NKAIN3: variants seen among roughly 807,000 people sequenced by gnomAD.
NKAIN3 encodes sodium/potassium transporting ATPase interacting 3, also known as sodium/potassium-transporting ATPase subunit beta-1-interacting protein 3.
NKAIN3 carries 25 observed loss-of-function variants against 30.2 expected under a neutral mutation model. The observed-to-expected ratio is 0.83, with a 90% CI of 0.60 to 1.16. The LOEUF is 1.16. NKAIN3 is among the 50% of genes most tolerant of loss of function. NKAIN3 has a pLI of 0.00. For synonymous variants in NKAIN3, 91 were observed against 89.6 expected (o/e 1.02, Z -0.09); for missense variants, 225 against 254.1 (o/e 0.89, Z 0.78).
At chr8:62,870,257 T>TAGATCTATATATAGATATCTATAG (rs1563603973) in intron 4 of NKAIN3, among the ~76,000 whole-genome samples, 17 of 85,006 alleles carry the variant, frequency 2.0e-4, no homozygotes, top group African/African-American at 6.6e-4. Flanking sequence ...TATCTATATA[T>TAGATCTATATATAGATATCTATAG]ATATCTATAT....
rs771767026 is a variant in NKAIN3 at position 62,579,558 on chromosome 8, A to G, written c.74A>G (p.Gln25Arg). 6.2e-7 allele frequency: 1 copy of G among 1,609,524 alleles called. No homozygotes were observed. Among genetic ancestry groups the G allele is most frequent in the Admixed American group, 1.7e-5 (1 of 59,422 alleles). Residue 25 changes from glutamine to arginine, a missense_variant, in exon 2 of 7, where the codon CAG becomes CGG. Gln to Arg is a conservative substitution (Grantham distance 43). Coordinates refer to ENST00000623646, the MANE Select transcript of NKAIN3 (RefSeq NM_001304533.3). ...ALQLVSALER[Q>R]IFDFLGFQWA... ...TTGTAGGTCTCAGCATTAGAGAGGCAGATCTTTGACTTCCTTGGTTTCCAG... is the reference window on the plus strand; with the variant it reads ...TTGTAGGTCTCAGCATTAGAGAGGCGGATCTTTGACTTCCTTGGTTTCCAG...
At chr8:62,469,976 TG>T (rs1240559475) in intron 1 of NKAIN3, among the ~76,000 whole-genome samples, 2 of 152,328 alleles carry the variant, frequency 1.3e-5, no homozygotes, top group East Asian at 1.9e-4. Flanking sequence ...GCACAGATCC[TG>T]GTATGCTTTG....
At chr8:62,765,511 T>C (rs757195381) in intron 4 of NKAIN3, among the ~76,000 whole-genome samples, 2 of 152,168 alleles carry the variant, frequency 1.3e-5, no homozygotes, top group Admixed American at 6.5e-5. Context: ...GCAGATGTGG[T>C]AAATTCAGTT....
chr8:62,374,844 G>A (rs545624392), intron 1 of NKAIN3, among the ~76,000 whole-genome samples: 7 of 152,214 alleles, frequency 4.6e-5, no homozygotes, highest in Middle Eastern at 3.4e-3. Flanking sequence ...GGAACACAGT[G>A]GATCTTTTGA....
At chr8:62,374,378 C>A in intron 1 of NKAIN3, among the ~76,000 whole-genome samples, 1 of 152,132 alleles carries the variant, frequency 6.6e-6, no homozygotes, top group Non-Finnish European at 1.5e-5. Flanking sequence ...CAGCCTAACT[C>A]TAGTTAGCAT....
chr8:62,581,625 C>A (rs1810293967), intron 2 of NKAIN3, among the ~76,000 whole-genome samples: 2 of 152,156 alleles, frequency 1.3e-5, no homozygotes, highest in African/African-American at 4.8e-5. Context: ...TTAAAACCAC[C>A]ACTGGGTCCT....
intron 1 of NKAIN3, 110 bp from the exon 2 acceptor site, chr8:62,579,429 A>G: frequency 1.3e-6 from 1 of 758,696 alleles, no homozygotes; most frequent in East Asian, 2.7e-5. Flanking sequence ...ACGGTGACAA[A>G]AAGTGTGATT....
chr8:62,623,356 G>A (rs1040396015), intron 3 of NKAIN3, among the ~76,000 whole-genome samples: 1 of 151,966 alleles, frequency 6.6e-6, no homozygotes, highest in African/African-American at 2.4e-5. Context: ...TTCTTCCTAG[G>A]AAAATGTAAA....
At chr8:62,288,540 C>T (rs977453664) in intron 1 of NKAIN3, among the ~76,000 whole-genome samples, 7 of 152,102 alleles carry the variant, frequency 4.6e-5, no homozygotes, top group African/African-American at 1.4e-4. Context: ...TGATTTCCAG[C>T]TTCATCCATG....
At chr8:62,953,678 A>C (rs894938792) in intron 5 of NKAIN3, among the ~76,000 whole-genome samples, 2 of 152,042 alleles carry the variant, frequency 1.3e-5, no homozygotes, top group African/African-American at 2.4e-5. Flanking sequence ...ACCAATAACA[A>C]CTTATTTTTC....
chr8:62,803,038 G>A (rs1424764815), intron 4 of NKAIN3, among the ~76,000 whole-genome samples: 1 of 152,110 alleles, frequency 6.6e-6, no homozygotes, highest in Non-Finnish European at 1.5e-5. Context: ...TAATGGTAAA[G>A]GGATCAATTC....
chr8:62,725,711 G>A (rs1464179621), intron 3 of NKAIN3, among the ~76,000 whole-genome samples: 1 of 151,952 alleles, frequency 6.6e-6, no homozygotes. Flanking sequence ...AGTGGTCCAT[G>A]TGTCTGCCTA....
chr8:62,591,360 T>C (rs1490969776), intron 3 of NKAIN3, among the ~76,000 whole-genome samples: 2 of 151,910 alleles, frequency 1.3e-5, no homozygotes, highest in Non-Finnish European at 2.9e-5. Flanking sequence ...ATGGAGTCTC[T>C]ATGAAAAATA....
At chr8:62,466,150 C>A (rs769955243) in intron 1 of NKAIN3, among the ~76,000 whole-genome samples, 2 of 151,988 alleles carry the variant, frequency 1.3e-5, no homozygotes, top group Non-Finnish European at 2.9e-5. Context: ...GGAAGAGAAC[C>A]TTAACGAAAG....
At chr8:62,964,050 C>T (rs2130907703) in intron 6 of NKAIN3, among the ~76,000 whole-genome samples, 1 of 152,168 alleles carries the variant, frequency 6.6e-6, no homozygotes. Flanking sequence ...TGGAATGATG[C>T]TTATAATTTA....
intron 1 of NKAIN3, among the ~76,000 whole-genome samples, chr8:62,409,138 C>A (rs553507194): frequency 2.0e-5 from 3 of 151,274 alleles, no homozygotes; most frequent in Non-Finnish European, 2.9e-5. Flanking sequence ...ATTTTTGTCA[C>A]GGAAGTGTTT....
Position 62,321,528 on chromosome 8 carries a change from T to C in NKAIN3, c.54+72401T>C, listed in dbSNP as rs1049040817. Among the ~76,000 whole-genome samples the C allele has an allele frequency of 7.2e-5, 11 of 152,220 alleles. No homozygotes were observed. The South Asian group carries it at 1.4e-3, about 20-fold the overall frequency. ...TTTTGGTGTGGATGTCCTTTCTGTT[T>C]GTTAGTTTTCCTTCTAACAGTCAGG... On this transcript the variant is annotated intron_variant, in intron 1 of 6. Transcript: ENST00000623646.
chr8:62,752,993 A>G (rs1046093957), intron 4 of NKAIN3, among the ~76,000 whole-genome samples: 3 of 152,138 alleles, frequency 2.0e-5, no homozygotes, highest in Non-Finnish European at 2.9e-5. Context: ...TTGTAACTCT[A>G]TCTTTGAATT....
chr8:62,571,869 T>C (rs948873576), intron 1 of NKAIN3, among the ~76,000 whole-genome samples: 1 of 152,054 alleles, frequency 6.6e-6, no homozygotes, highest in Non-Finnish European at 1.5e-5. Context: ...GCACACAGCA[T>C]AGGAACCCTG....
Sources: allele counts gnomAD v4.1 joint callset (sites outside exome capture counted in the v4.1 genomes callset), GRCh38; gene constraint gnomAD v4.1.1; transcripts MANE v1.5; gene names NCBI Gene and HGNC (gene_info 2026-07-23, HGNC 2026-07-21).